The following ERG variants were observed in gnomAD, a reference collection of about 807,000 sequenced individuals.
The protein encoded by ERG is transcriptional regulator ERG.
ERG carries 9 observed loss-of-function variants against 55.3 expected under a neutral mutation model. The observed-to-expected ratio is 0.16, with a 90% confidence interval of 0.10 to 0.28. The LOEUF (loss-of-function observed/expected upper bound fraction) is 0.28, where lower values mean the gene tolerates loss of function less well. ERG is among the 10% of genes least tolerant of loss of function. The probability of loss-of-function intolerance (pLI) is 1.00; values close to 1 mark genes in which losing one functional copy is unlikely to be tolerated. For synonymous variants in ERG, 223 were observed against 237.3 expected (o/e 0.94, Z 0.55); for missense variants, 434 against 631.6 (o/e 0.69, Z 3.35).
At chr21:38,651,108 A>G (rs1343057951) in intron 1 of ERG, among the ~76,000 whole-genome samples, 2 of 152,236 alleles carry the variant, frequency 1.3e-5, no homozygotes, top group African/African-American at 4.8e-5. Context: ...GCTGGCACAC[A>G]GAGTTTTGGC....
intron 1 of ERG, among the ~76,000 whole-genome samples, chr21:38,601,350 TGGTG>T (rs1339179002): frequency 6.6e-6 from 1 of 152,140 alleles, no homozygotes; most frequent in African/African-American, 2.4e-5. Context: ...CAGATCTCTT[TGGTG>T]GCAAAGGCAA....
intron 2 of ERG, among the ~76,000 whole-genome samples, chr21:38,432,940 G>T (rs768621119): frequency 6.6e-6 from 1 of 152,154 alleles, no homozygotes; most frequent in African/African-American, 2.4e-5. Context: ...TATTCTAAAA[G>T]AACATCTTCA....
At chr21:38,523,506 C>T (rs560071374) in intron 2 of ERG, among the ~76,000 whole-genome samples, 89 of 152,192 alleles carry the variant, frequency 5.8e-4, no homozygotes, top group African/African-American at 2.0e-3. Context: ...GAGTAAGAGG[C>T]GGGGGCCAGG....
At chr21:38,543,590 A>T (rs2059768895) in intron 2 of ERG, among the ~76,000 whole-genome samples, 1 of 152,096 alleles carries the variant, frequency 6.6e-6, no homozygotes, top group African/African-American at 2.4e-5. Context: ...AGCCACAAAC[A>T]AGCAAAATAA....
Position 38,622,418 on chromosome 21 carries a change from TCA to T in ERG, c.-149-37475_-149-37474del, listed in dbSNP as rs972391746. 2.0e-3 allele frequency among the ~76,000 whole-genome samples: 156 copies of T among 79,436 alleles called. 1 individual carries two copies. In the East Asian group the frequency reaches 0.073, roughly 37 times the overall value. 52.1% of individuals were successfully genotyped at this position (79,436 alleles called of 152,430 possible). ...CACACACACTACATGCTCATACATATCACACACACACACACACCCCCCACACA... is the reference window on the plus strand; with the variant it reads ...CACACACACTACATGCTCATACATATCACACACACACACACCCCCCACACA... On this transcript the variant is annotated intron_variant, in intron 1 of 10. Transcript: ENST00000398910.
At chr21:38,593,564 C>A (rs893978290) in intron 1 of ERG, among the ~76,000 whole-genome samples, 1 of 151,940 alleles carries the variant, frequency 6.6e-6, no homozygotes, top group Non-Finnish European at 1.5e-5. Context: ...AAGGTCAAAT[C>A]TTAAAGAAGC....
intron 2 of ERG, among the ~76,000 whole-genome samples, chr21:38,574,571 T>A (rs1405927240): frequency 1.3e-5 from 2 of 152,240 alleles, no homozygotes; most frequent in African/African-American, 4.8e-5. Flanking sequence ...GAGCTGCACA[T>A]GGTCCAGAAT....
Position 38,383,328 on chromosome 21 carries a change from A to G in ERG, c.*75T>C, listed in dbSNP as rs1987532286. 2 of 1,364,340 alleles carry G rather than the reference A, an allele frequency of 1.5e-6. No individual in the cohort carries two copies. The highest frequency in any genetic ancestry group is 2.5e-4 in the Middle Eastern group (1 of 4,074). 84.5% of individuals were successfully genotyped at this position (1,364,340 alleles called of 1,614,324 possible). A position where few individuals can be genotyped will look rare whatever the true frequency, so the allele number is the denominator to read the frequency against. On this transcript the variant is annotated 3_prime_UTR_variant, in exon 10 of 10. Coordinates refer to ENST00000288319, the MANE Select transcript of ERG (RefSeq NM_182918.4). The surrounding 1 kb of genome is among the most constrained non-coding windows in gnomAD (Gnocchi z 5.7). ...TTTCATTCCTCTTGAGGCACTTTTGATTCATGTTCTCCGATAGAGTTTGTG... is the reference window on the plus strand; with the variant it reads ...TTTCATTCCTCTTGAGGCACTTTTGGTTCATGTTCTCCGATAGAGTTTGTG...
chr21:38,394,224 A>T (rs923186779), intron 6 of ERG, among the ~76,000 whole-genome samples: 1 of 152,210 alleles, frequency 6.6e-6, no homozygotes, highest in African/African-American at 2.4e-5. Context: ...GAAATACAGA[A>T]ATATGTTCTA....
intron 1 of ERG, among the ~76,000 whole-genome samples, chr21:38,452,059 T>C (rs1486212262): frequency 6.6e-6 from 1 of 152,204 alleles, no homozygotes; most frequent in Non-Finnish European, 1.5e-5. Flanking sequence ...ATTTTAGTCC[T>C]TCAAAACTAT....
intron 2 of ERG, among the ~76,000 whole-genome samples, chr21:38,436,899 C>T (rs185017231): frequency 1.4e-5 from 2 of 142,370 alleles, no homozygotes; most frequent in Non-Finnish European, 1.5e-5. Flanking sequence ...TTCTTTCTCT[C>T]TTTTTTTTTT....
intron 2 of ERG, among the ~76,000 whole-genome samples, chr21:38,528,451 T>TTTTTC (rs2059646850): frequency 2.4e-5 from 1 of 42,136 alleles, no homozygotes; most frequent in South Asian, 8.8e-4. Flanking sequence ...TTTTTTTTTT[T>TTTTTC]TTTTTTTTTT....
intron 1 of ERG, among the ~76,000 whole-genome samples, chr21:38,583,577 G>C (rs1027501618): frequency 1.3e-5 from 2 of 152,202 alleles, no homozygotes; most frequent in African/African-American, 4.8e-5. Context: ...ATAGCTATGG[G>C]TTGAATTGTA....
At chr21:38,436,020 CTT>C (rs11384369) in intron 2 of ERG, among the ~76,000 whole-genome samples, 10 of 133,314 alleles carry the variant, frequency 7.5e-5, no homozygotes, top group Middle Eastern at 3.4e-3. Flanking sequence ...TTCTTTTTTT[CTT>C]TTTTTTTTTT....
At position 38,529,549 on chromosome 21, in the gene ERG, G is replaced by T. The variant is rs1008745849; in HGVS notation, c.-41+46113C>A. 3.9e-5 allele frequency among the ~76,000 whole-genome samples: 6 copies of T among 152,144 alleles called. No individual in the cohort carries two copies. The East Asian group carries it at 9.6e-4, about 24-fold the overall frequency. On this transcript the variant is annotated intron_variant, in intron 2 of 8. Transcript: ENST00000398897. ...TAATGCTAGGGAAGGAGTAGCCTTG[G>T]GGAGCAGTGATGAGTTATTTTCTTA...
intron 2 of ERG, among the ~76,000 whole-genome samples, chr21:38,445,143 T>G (rs1254811199): frequency 1.3e-5 from 2 of 149,428 alleles, no homozygotes; most frequent in Admixed American, 1.3e-4. Context: ...TTCTTCTTTT[T>G]TTTTTTTTTT....
chr21:38,487,263 A>C (rs1309589602), intron 1 of ERG, among the ~76,000 whole-genome samples: 2 of 152,136 alleles, frequency 1.3e-5, no homozygotes, highest in Admixed American at 1.3e-4. Context: ...AAAATCAAAA[A>C]AGAATCGAGT....
In ERG at chr21:38,498,354, T is replaced by C. The variant is rs1250750110; in HGVS notation, c.18+9A>G. On this transcript the variant is annotated intron_variant, in intron 1 of 9. Coordinates refer to ENST00000288319, the MANE Select transcript of ERG (RefSeq NM_182918.4). This position sits in a 1 kb window ranked among gnomAD's most constrained non-coding sequence, Gnocchi z 4.6. ...GATTTTGTCAAATTAAAAGGAACCC[T>C]TTCCTTACCTTAATAGTGCTGGCCA... 2 of 1,600,516 alleles carry C rather than the reference T, an allele frequency of 1.2e-6. No homozygotes were observed. Among genetic ancestry groups the C allele is most frequent in the African/African-American group, 1.3e-5 (1 of 74,664 alleles).
intron 1 of ERG, among the ~76,000 whole-genome samples, chr21:38,647,162 T>C (rs1210172534): frequency 6.6e-6 from 1 of 152,218 alleles, no homozygotes; most frequent in African/African-American, 2.4e-5. Context: ...ATCCATCTTT[T>C]GTTTTCTCAT....
Sources: allele counts gnomAD v4.1 joint callset (sites outside exome capture counted in the v4.1 genomes callset), GRCh38; gene constraint gnomAD v4.1.1; non-coding constraint Gnocchi (gnomAD v3.1); transcripts MANE v1.5; gene names NCBI Gene and HGNC (gene_info 2026-07-23, HGNC 2026-07-21).